Variants in TCF7L1 observed in about 807,000 individuals in gnomAD.
TCF7L1 encodes the protein transcription factor 7 like 1.
In TCF7L1, 18 loss-of-function variants were observed where a neutral mutation model predicts 63.7. That is an observed-to-expected ratio of 0.28 (90% confidence interval 0.20 to 0.42). TCF7L1 has a LOEUF of 0.42. Among genes scored for constraint, TCF7L1 ranks in the 10% least tolerant of loss-of-function variants. The pLI is 1.00. For synonymous variants in TCF7L1, 355 were observed against 340.9 expected, an observed-to-expected ratio of 1.04 and a Z score of -0.46; for missense variants, 654 against 779.3, an observed-to-expected ratio of 0.84 and a Z score of 1.91.
At chr2:85,260,251 T>A (rs948610241) in intron 3 of TCF7L1, among the ~76,000 whole-genome samples, 18 of 152,192 alleles carry the variant, frequency 1.2e-4, no homozygotes, top group Non-Finnish European at 1.8e-4. Flanking sequence ...TGCCCTTCTC[T>A]ATTTAATCTT....
intron 4 of TCF7L1, among the ~76,000 whole-genome samples, chr2:85,299,860 A>ACACACACACACACACACACACACACACAC (rs1681927934): frequency 4.3e-5 from 4 of 92,706 alleles, no homozygotes; most frequent in African/African-American, 8.9e-5. Flanking sequence ...CCTTGTCTCA[A>ACACACACACACACACACACACACACACAC]ACACACACAC....
At chr2:85,209,375 G>A (rs1019299628) in intron 3 of TCF7L1, among the ~76,000 whole-genome samples, 1 of 152,206 alleles carries the variant, frequency 6.6e-6, no homozygotes, top group Non-Finnish European at 1.5e-5. Context: ...AGGCTTAGCT[G>A]ACCATTCTGC....
chr2:85,232,727 G>A (rs1206192632), intron 3 of TCF7L1, among the ~76,000 whole-genome samples: 1 of 152,100 alleles, frequency 6.6e-6, no homozygotes, highest in Non-Finnish European at 1.5e-5. Flanking sequence ...AAATGTTGAT[G>A]TTCCCCATCC....
At chr2:85,278,721 C>T (rs1320857504) in intron 3 of TCF7L1, among the ~76,000 whole-genome samples, 1 of 152,220 alleles carries the variant, frequency 6.6e-6, no homozygotes, top group Non-Finnish European at 1.5e-5. Flanking sequence ...AGTAGCAGAA[C>T]CCCAGTCCCC....
chr2:85,288,401 A>G (rs1412431633), intron 4 of TCF7L1, among the ~76,000 whole-genome samples: 2 of 152,176 alleles, frequency 1.3e-5, no homozygotes, highest in East Asian at 3.8e-4. Context: ...GAGACATCCC[A>G]GTTTACTCCA....
At chr2:85,244,857 G>A (rs6758778) in intron 3 of TCF7L1, among the ~76,000 whole-genome samples, 21,236 of 152,124 alleles carry the variant, frequency 0.14, 2,493 homozygotes, top group African/African-American at 0.33. Context: ...TTGCACACTG[G>A]AGAGAAGAGC....
chr2:85,256,273 T>C (rs79026474), intron 3 of TCF7L1, among the ~76,000 whole-genome samples: 18,611 of 150,222 alleles, frequency 0.12, 1,244 homozygotes, highest in Middle Eastern at 0.15. Context: ...TTGTGTTCTC[T>C]GCAGCCACAG....
intron 3 of TCF7L1, among the ~76,000 whole-genome samples, chr2:85,251,886 T>C (rs6547604): frequency 1 from 152,013 of 152,304 alleles, 75,861 homozygotes; most frequent in Middle Eastern, 1. Flanking sequence ...CCAGCCTGGG[T>C]AACACAGCAA....
At chr2:85,195,157 A>T (rs2104270281) in intron 3 of TCF7L1, among the ~76,000 whole-genome samples, 1 of 152,334 alleles carries the variant, frequency 6.6e-6, no homozygotes, top group South Asian at 2.1e-4. Flanking sequence ...CAAGTTACCT[A>T]CCCTTTTCTC....
chr2:85,136,772 G>A (rs1433357970), intron 3 of TCF7L1, among the ~76,000 whole-genome samples: 1 of 152,154 alleles, frequency 6.6e-6, no homozygotes, highest in Admixed American at 6.5e-5. Context: ...GACCCTGTTC[G>A]TTTGCTGCCA....
Position 85,181,245 on chromosome 2 carries a change from G to C in TCF7L1, c.441+46795G>C, listed in dbSNP as rs78871675. ...TGCCCAATGAGAGTAGCCAGCGTGT[G>C]CATGTGAGGGGCAGGTAGCACAGAG... On this transcript the variant is annotated intron_variant, in intron 3 of 11. Coordinates refer to ENST00000282111, the MANE Select transcript of TCF7L1 (RefSeq NM_031283.3). 4.5e-4 allele frequency among the ~76,000 whole-genome samples: 69 copies of C among 152,348 alleles called. No homozygotes were observed. The East Asian group carries it at 9.1e-3, about 20-fold the overall frequency.
At chr2:85,287,453 A>G (rs76277927) in intron 4 of TCF7L1, among the ~76,000 whole-genome samples, 9,425 of 152,218 alleles carry the variant, frequency 0.062, 503 homozygotes, top group African/African-American at 0.14. Flanking sequence ...CGTAGTTCCA[A>G]CTGCCAAACA....
chr2:85,158,051 G>A (rs1201926789), intron 3 of TCF7L1, among the ~76,000 whole-genome samples: 1 of 152,172 alleles, frequency 6.6e-6, no homozygotes, highest in African/African-American at 2.4e-5. Flanking sequence ...AGGGAAGGAG[G>A]AAGGACTGGA....
chr2:85,184,905 G>A (rs942638184), intron 3 of TCF7L1, among the ~76,000 whole-genome samples: 6 of 152,166 alleles, frequency 3.9e-5, no homozygotes, highest in African/African-American at 1.4e-4. Flanking sequence ...ACCCTTACAA[G>A]GCAAAGACTC....
At chr2:85,162,045 A>G (rs59117861) in intron 3 of TCF7L1, among the ~76,000 whole-genome samples, 15,789 of 151,704 alleles carry the variant, frequency 0.1, 1,465 homozygotes, top group African/African-American at 0.25. Flanking sequence ...AGTTCCCCCA[A>G]AAGTTGAGAT....
At chr2:85,270,328 G>C (rs1573018565) in intron 3 of TCF7L1, among the ~76,000 whole-genome samples, 1 of 152,160 alleles carries the variant, frequency 6.6e-6, no homozygotes, top group African/African-American at 2.4e-5. Context: ...AATTATGACT[G>C]TTTTTGCCAT....
chr2:85,295,123 C>A (rs1681811395), intron 4 of TCF7L1, among the ~76,000 whole-genome samples: 1 of 149,930 alleles, frequency 6.7e-6, no homozygotes, highest in Admixed American at 6.6e-5. Context: ...AAACCCATAG[C>A]ATATCCTGTT....
intron 3 of TCF7L1, among the ~76,000 whole-genome samples, chr2:85,168,752 G>T (rs1184934175): frequency 6.6e-6 from 1 of 152,068 alleles, no homozygotes; most frequent in Non-Finnish European, 1.5e-5. Flanking sequence ...CTTCTGCGTA[G>T]CTGGGACTAC....
At chr2:85,216,791 A>G (rs927310833) in intron 3 of TCF7L1, among the ~76,000 whole-genome samples, 3 of 152,160 alleles carry the variant, frequency 2.0e-5, no homozygotes, top group African/African-American at 7.2e-5. Context: ...GAGTCTTTAC[A>G]ATACCTGCAG....
Sources: gnomAD v4.1 joint callset for allele counts (sites outside exome capture counted in the v4.1 genomes callset) on GRCh38, gnomAD v4.1.1 for gene constraint, MANE v1.5 for transcripts, NCBI Gene and HGNC (gene_info 2026-07-23, HGNC 2026-07-21) for gene names.